Variants in GBE1 observed in about 807,000 individuals in gnomAD.
GBE1 encodes 1,4-alpha-glucan-branching enzyme.
A neutral mutation model predicts 88.8 loss-of-function variants in GBE1; 70 were observed. The observed-to-expected ratio is 0.79, with a 90% CI of 0.65 to 0.96. GBE1 has a LOEUF of 0.96. GBE1 is among the 40% of genes least tolerant of loss of function. The probability of loss-of-function intolerance (pLI) is 0.00; values close to 1 mark genes in which losing one functional copy is unlikely to be tolerated. For missense variants in GBE1, 872 were observed against 871.0 expected, an observed-to-expected ratio of 1.00 and a Z score of -0.01; for synonymous variants, 284 against 300.1, an observed-to-expected ratio of 0.95 and a Z score of 0.56.
At chr3:81,756,685 A>C (rs1706606906) in intron 1 of GBE1, among the ~76,000 whole-genome samples, 1 of 152,180 alleles carries the variant, frequency 6.6e-6, no homozygotes. Flanking sequence ...AAGTCAGAGA[A>C]GGCATATAAT....
At chr3:81,719,208 T>C (rs1163987576) in intron 1 of GBE1, among the ~76,000 whole-genome samples, 4 of 152,126 alleles carry the variant, frequency 2.6e-5, no homozygotes, top group African/African-American at 9.7e-5. Flanking sequence ...GATTTCGGTT[T>C]TTTTGTTCGT....
intron 2 of GBE1, among the ~76,000 whole-genome samples, chr3:81,699,709 G>C (rs1705659119): frequency 1.3e-5 from 2 of 152,088 alleles, no homozygotes; most frequent in Admixed American, 6.6e-5. Flanking sequence ...TTCACTGGCA[G>C]CTGATTATAT....
intron 7 of GBE1, among the ~76,000 whole-genome samples, chr3:81,633,892 T>C (rs1182063113): frequency 6.6e-6 from 1 of 152,200 alleles, no homozygotes; most frequent in Non-Finnish European, 1.5e-5. Flanking sequence ...CCTGCATGTA[T>C]GTTGCTTTGG....
chr3:81,650,473 T>C (rs1425115017), intron 3 of GBE1: 1 of 152,328 alleles, frequency 6.6e-6, no homozygotes, highest in African/African-American at 2.4e-5. Flanking sequence ...TTCTTTACCA[T>C]ATAAAACCAA....
chr3:81,747,174 T>C (rs1190113224), intron 1 of GBE1, among the ~76,000 whole-genome samples: 1 of 152,014 alleles, frequency 6.6e-6, no homozygotes, highest in Non-Finnish European at 1.5e-5. Flanking sequence ...GTCCTAGAGC[T>C]AGGAAAAGAG....
At chr3:81,634,046 T>C (rs1205781576) in intron 7 of GBE1, among the ~76,000 whole-genome samples, 11 of 152,128 alleles carry the variant, frequency 7.2e-5, no homozygotes, top group Non-Finnish European at 1.6e-4. Flanking sequence ...CAACTGACAA[T>C]TGTATTCGAA....
intron 14 of GBE1, among the ~76,000 whole-genome samples, chr3:81,511,824 C>T (rs1338645512): frequency 2.0e-5 from 3 of 150,690 alleles, no homozygotes; most frequent in South Asian, 4.2e-4. Context: ...CCAACAATCT[C>T]ACTACCGGCT....
intron 12 of GBE1, among the ~76,000 whole-genome samples, chr3:81,553,510 T>C (rs185494889): frequency 6.6e-6 from 1 of 151,656 alleles, no homozygotes; most frequent in Non-Finnish European, 1.5e-5. Flanking sequence ...ATTAAATAAA[T>C]GTTGAAAGAA....
At chr3:81,671,495 A>T (rs1221246969) in intron 2 of GBE1, among the ~76,000 whole-genome samples, 1 of 152,148 alleles carries the variant, frequency 6.6e-6, no homozygotes, top group East Asian at 1.9e-4. Context: ...AAGAAAGTAA[A>T]ACCAACAAGA....
At chr3:81,586,241 T>G (rs1233079387) in intron 9 of GBE1, 51 bp from the exon 10 acceptor site, 1 of 1,111,714 alleles carries the variant, frequency 9.0e-7, no homozygotes, top group Non-Finnish European at 1.3e-6. Context: ...GTAAATATTC[T>G]GACTGTAAAG....
chr3:81,610,932 C>T (rs9869348), intron 7 of GBE1, among the ~76,000 whole-genome samples: 98,680 of 151,784 alleles, frequency 0.65, 33,764 homozygotes, highest in East Asian at 0.92. Context: ...TTTCATCTAG[C>T]GACCTTCTTT....
In GBE1 at chr3:81,722,896, G is replaced by GTA. The variant is rs553712949; in HGVS notation, c.144-17285_144-17284dup. On this transcript the variant is annotated intron_variant, in intron 1 of 15. Transcript: ENST00000429644. ...CACACACACGTGTGTGTGTGTGTGT[G>GTA]TATATATATATATATATATACACAC... 6.8e-3 allele frequency among the ~76,000 whole-genome samples: 924 copies of GTA among 135,256 alleles called. 7 individuals carry two copies. The highest frequency in any genetic ancestry group is 0.013 in the African/African-American group (488 of 36,382). The allele number at this position is 135,256 out of a possible 152,430, so 88.7% of individuals were successfully genotyped here. A position where few individuals can be genotyped will look rare whatever the true frequency, so the allele number is the denominator to read the frequency against.
intron 3 of GBE1, among the ~76,000 whole-genome samples, chr3:81,659,832 A>G (rs1704997476): frequency 6.6e-6 from 1 of 152,240 alleles, no homozygotes; most frequent in Non-Finnish European, 1.5e-5. Context: ...AATAAACATT[A>G]AGACTATTAC....
intron 7 of GBE1, among the ~76,000 whole-genome samples, chr3:81,617,266 T>C (rs115941481): frequency 0.02 from 2,980 of 152,092 alleles, 98 homozygotes; most frequent in African/African-American, 0.068. Flanking sequence ...TTCCCAGCAC[T>C]GTGTTAAATA....
intron 12 of GBE1, 123 bp from the exon 13 acceptor site, chr3:81,537,218 C>T (rs1265703413): frequency 3.2e-6 from 2 of 631,374 alleles, no homozygotes; most frequent in East Asian, 6.8e-5. Flanking sequence ...TTTACTAGAC[C>T]TGTGTCCTGT....
At chr3:81,605,584 T>C (rs534476999) in intron 7 of GBE1, among the ~76,000 whole-genome samples, 24 of 152,218 alleles carry the variant, frequency 1.6e-4, no homozygotes, top group Non-Finnish European at 1.3e-4. Flanking sequence ...ATATATTGAA[T>C]GCTTACTAAA....
At chr3:81,681,182 C>T (rs6766394) in intron 2 of GBE1, among the ~76,000 whole-genome samples, 11,566 of 152,202 alleles carry the variant, frequency 0.076, 896 homozygotes, top group African/African-American at 0.19. Context: ...TTGTGAATGC[C>T]ATATGGTCTA....
intron 2 of GBE1, among the ~76,000 whole-genome samples, chr3:81,701,983 CA>C (rs767544382): frequency 2.1e-3 from 162 of 78,326 alleles, no homozygotes; most frequent in Middle Eastern, 0.015. Flanking sequence ...TCAGTAGGCA[CA>C]AAAAAAAAAA....
intron 1 of GBE1, among the ~76,000 whole-genome samples, chr3:81,744,088 T>G (rs984727636): frequency 2.6e-5 from 4 of 152,142 alleles, no homozygotes; most frequent in African/African-American, 7.2e-5. Context: ...TTGAATCTCT[T>G]TGTGGAGTGA....
Sources: gnomAD v4.1 joint callset for allele counts (sites outside exome capture counted in the v4.1 genomes callset) on GRCh38, gnomAD v4.1.1 for gene constraint, MANE v1.5 for transcripts, NCBI Gene and HGNC (gene_info 2026-07-23, HGNC 2026-07-21) for gene names.